FER: variants seen among roughly 807,000 people sequenced by gnomAD.
FER encodes tyrosine-protein kinase Fer.
FER carries 63 observed loss-of-function variants against 111.0 expected under a neutral mutation model. The observed-to-expected ratio is 0.57, with a 90% CI of 0.46 to 0.70. The LOEUF (loss-of-function observed/expected upper bound fraction) is 0.70, where lower values mean the gene tolerates loss of function less well. Among genes scored for constraint, FER ranks in the 30% least tolerant of loss-of-function variants. FER has a pLI of 0.00. For synonymous variants in FER, 327 were observed against 313.9 expected, an observed-to-expected ratio of 1.04 and a Z score of -0.44; for missense variants, 914 against 954.0, an observed-to-expected ratio of 0.96 and a Z score of 0.55.
At chr5:108,971,854 T>C (rs2149699449) in intron 13 of FER, among the ~76,000 whole-genome samples, 1 of 152,266 alleles carries the variant, frequency 6.6e-6, no homozygotes, top group South Asian at 2.1e-4. Context: ...AAATATCTCA[T>C]GATATTTATA....
At position 108,776,649 on chromosome 5, in the gene FER, T is replaced by G. The variant is rs189297133; in HGVS notation, c.-60+8411T>G. Among the ~76,000 whole-genome samples, 5 of 152,298 alleles carry G rather than the reference T, an allele frequency of 3.3e-5. No individual in the cohort carries two copies. In the East Asian group the frequency reaches 9.6e-4, roughly 29 times the overall value. ...GCTTTTTAATAACTTCCATTTCTGT[T>G]TAAAAACTGTGTATTTATAGATTTA... On this transcript the variant is annotated intron_variant, in intron 2 of 19. Coordinates refer to ENST00000281092, the MANE Select transcript of FER (RefSeq NM_005246.4).
intron 1 of FER, among the ~76,000 whole-genome samples, chr5:108,757,343 A>G (rs927387567): frequency 2.0e-5 from 3 of 152,186 alleles, no homozygotes; most frequent in Non-Finnish European, 4.4e-5. Context: ...GTCCTAAACT[A>G]TAACTTCTGT....
intron 13 of FER, among the ~76,000 whole-genome samples, chr5:108,977,011 A>G (rs528044560): frequency 6.6e-6 from 1 of 152,354 alleles, no homozygotes; most frequent in East Asian, 1.9e-4. Context: ...ACCACAAGAG[A>G]TCACTTTTTA....
At chr5:108,780,876 A>G (rs989470783) in intron 2 of FER, among the ~76,000 whole-genome samples, 5 of 146,650 alleles carry the variant, frequency 3.4e-5, no homozygotes, top group Non-Finnish European at 7.5e-5. Context: ...ATCTATTGGG[A>G]TATCCCTTAG....
chr5:109,028,196 G>A (rs938811438), intron 13 of FER, among the ~76,000 whole-genome samples: 7 of 152,150 alleles, frequency 4.6e-5, no homozygotes, highest in African/African-American at 1.7e-4. Context: ...GATTACAACT[G>A]TAAAGCTTTT....
At chr5:108,972,132 A>G (rs1209767892) in intron 13 of FER, among the ~76,000 whole-genome samples, 1 of 151,964 alleles carries the variant, frequency 6.6e-6, no homozygotes, top group East Asian at 1.9e-4. Flanking sequence ...ATAAACCCCA[A>G]AAGAACAGAG....
At chr5:109,107,321 G>C (rs1392436152) in intron 17 of FER, among the ~76,000 whole-genome samples, 1 of 152,074 alleles carries the variant, frequency 6.6e-6, no homozygotes, top group Non-Finnish European at 1.5e-5. Context: ...CTAAGCCATA[G>C]GAGTTTTTCT....
intron 1 of FER, among the ~76,000 whole-genome samples, chr5:108,762,647 G>C (rs562029837): frequency 1.5e-4 from 23 of 152,304 alleles, no homozygotes; most frequent in African/African-American, 4.3e-4. Flanking sequence ...CTCTGAACTA[G>C]TTCTTCTCTG....
At chr5:109,084,486 T>TAAATG in intron 16 of FER, among the ~76,000 whole-genome samples, 1 of 147,358 alleles carries the variant, frequency 6.8e-6, no homozygotes, top group East Asian at 1.9e-4. Flanking sequence ...TTATGTGGGG[T>TAAATG]TATTTTACCA....
intron 3 of FER, among the ~76,000 whole-genome samples, chr5:108,814,578 G>T (rs892116362): frequency 5.9e-5 from 9 of 152,164 alleles, no homozygotes; most frequent in Admixed American, 5.9e-4. Context: ...TATCTTTAAA[G>T]CAAAATTAGG....
chr5:109,036,309 TAA>T (rs1199855174), intron 13 of FER, among the ~76,000 whole-genome samples: 1 of 152,126 alleles, frequency 6.6e-6, no homozygotes, highest in East Asian at 1.9e-4. Context: ...AAACTATGCA[TAA>T]AAACTATTGC....
chr5:109,136,323 A>G (rs1027937130), intron 17 of FER, among the ~76,000 whole-genome samples: 6 of 151,960 alleles, frequency 3.9e-5, no homozygotes, highest in South Asian at 4.1e-4. Flanking sequence ...AATAAAAACA[A>G]TAAAAAAAGG....
At chr5:108,806,009 C>T (rs1440070690) in intron 3 of FER, among the ~76,000 whole-genome samples, 1 of 152,078 alleles carries the variant, frequency 6.6e-6, no homozygotes, top group Admixed American at 6.5e-5. Flanking sequence ...TCATGACAGC[C>T]CCTCCATCAT....
chr5:108,995,727 AC>A (rs1404226364), intron 13 of FER, among the ~76,000 whole-genome samples: 1 of 152,174 alleles, frequency 6.6e-6, no homozygotes, highest in African/African-American at 2.4e-5. Flanking sequence ...AATAAAACAT[AC>A]GTGTGCATGT....
chr5:108,772,095 G>C (rs1293185481), intron 2 of FER, among the ~76,000 whole-genome samples: 2 of 152,064 alleles, frequency 1.3e-5, no homozygotes, highest in South Asian at 2.1e-4. Flanking sequence ...ATGGAACTGC[G>C]AAGGGGGAAT....
At chr5:108,783,625 G>A (rs1016399598) in intron 2 of FER, among the ~76,000 whole-genome samples, 5 of 151,968 alleles carry the variant, frequency 3.3e-5, no homozygotes, top group African/African-American at 4.8e-5. Context: ...TATCATGCAG[G>A]TCTTAGCCTA....
Position 108,918,279 on chromosome 5 carries a change from G to A in FER, c.1236+20431G>A, listed in dbSNP as rs145980484. 1.4e-3 allele frequency among the ~76,000 whole-genome samples: 211 copies of A among 152,150 alleles called. 4 individuals carry two copies. Among genetic ancestry groups the A allele is most frequent in the Admixed American group, 1.6e-3 (25 of 15,296 alleles). On this transcript the variant is annotated intron_variant, in intron 10 of 19. Transcript: ENST00000281092. ...CTTTCATTCTGACGTTCTTAGTGGC[G>A]GTGCCCTTGACAATATCACTAAAGC...
intron 17 of FER, 87 bp downstream of exon 17, chr5:109,100,606 C>A: frequency 7.6e-7 from 1 of 1,310,372 alleles, no homozygotes; most frequent in Non-Finnish European, 1.1e-6. Flanking sequence ...AAGTCATTTT[C>A]TTTCATGAAA....
At chr5:109,169,514 G>T (rs1158905393) in intron 17 of FER, among the ~76,000 whole-genome samples, 1 of 152,146 alleles carries the variant, frequency 6.6e-6, no homozygotes, top group Non-Finnish European at 1.5e-5. Flanking sequence ...ATTAGAAATT[G>T]AAATGGGAAT....
Sources: allele counts gnomAD v4.1 joint callset (sites outside exome capture counted in the v4.1 genomes callset), GRCh38; gene constraint gnomAD v4.1.1; transcripts MANE v1.5; gene names NCBI Gene and HGNC (gene_info 2026-07-23, HGNC 2026-07-21).